Variants in CRIM1 observed in about 807,000 individuals in gnomAD.
The protein encoded by CRIM1 is cysteine-rich motor neuron 1 protein.
In CRIM1, 32 loss-of-function variants were observed where a neutral mutation model predicts 116.4. That is an observed-to-expected ratio of 0.27 (90% CI 0.21 to 0.37). The LOEUF (loss-of-function observed/expected upper bound fraction) is 0.37. Ranked by LOEUF, CRIM1 falls within the 10% of genes least tolerant of loss-of-function variation. The pLI is 1.00. For synonymous variants in CRIM1, 590 were observed against 509.2 expected (o/e 1.16, Z -2.13); for missense variants, 1,331 against 1,354.8 (o/e 0.98, Z 0.28).
At position 36,467,227 on chromosome 2, in the gene CRIM1, A is replaced by G. The variant is rs114887497; in HGVS notation, c.991+2572A>G. ...GTTGAGTGATCTTTGCTTTCTTCCT[A>G]ATCCTGTGGAACTGTGTCTATTGAT... On this transcript the variant is annotated intron_variant, in intron 5 of 16. Transcript: ENST00000280527. 3.9e-3 allele frequency among the ~76,000 whole-genome samples: 595 copies of G among 152,222 alleles called. 7 individuals carry two copies. The highest frequency in any genetic ancestry group is 0.013 in the African/African-American group (523 of 41,526).
chr2:36,391,391 G>T (rs1192661113), intron 1 of CRIM1, among the ~76,000 whole-genome samples: 6 of 152,042 alleles, frequency 3.9e-5, no homozygotes, highest in Non-Finnish European at 7.4e-5. Flanking sequence ...GCTTCCCAAA[G>T]TGCTGAGATT....
intron 4 of CRIM1, among the ~76,000 whole-genome samples, chr2:36,458,624 A>G (rs1054119350): frequency 1.3e-5 from 2 of 152,130 alleles, no homozygotes; most frequent in African/African-American, 4.8e-5. Context: ...CAAAGGCCCT[A>G]TCTTGAGCTG....
At chr2:36,499,120 G>C in intron 7 of CRIM1, 99 bp from the exon 8 acceptor site, 1 of 883,218 alleles carries the variant, frequency 1.1e-6, no homozygotes, top group Non-Finnish European at 1.8e-6. Flanking sequence ...TTACTGATTT[G>C]ATTTTTGTAA....
intron 1 of CRIM1, among the ~76,000 whole-genome samples, chr2:36,366,314 T>C (rs1479683392): frequency 1.3e-5 from 2 of 152,204 alleles, no homozygotes; most frequent in African/African-American, 4.8e-5. Context: ...AGAGTGCTGG[T>C]ATTCGGACAT....
chr2:36,431,227 T>A (rs1431533414), intron 2 of CRIM1, among the ~76,000 whole-genome samples: 1 of 152,146 alleles, frequency 6.6e-6, no homozygotes, highest in Non-Finnish European at 1.5e-5. Context: ...AACCTGTGAG[T>A]ACTCTGTGTG....
intron 8 of CRIM1, among the ~76,000 whole-genome samples, chr2:36,507,930 G>A (rs1344729087): frequency 6.6e-6 from 1 of 152,186 alleles, no homozygotes; most frequent in Non-Finnish European, 1.5e-5. Flanking sequence ...GAGGTTTTCA[G>A]GGTGTTTTTA....
chr2:36,445,635 C>T lies in CRIM1; in HGVS notation c.869+2900C>T, dbSNP rs75338408. 1.1e-4 allele frequency among the ~76,000 whole-genome samples: 17 copies of T among 152,226 alleles called. No homozygotes were observed. The East Asian group carries it at 1.4e-3, about 12-fold the overall frequency. The stretch of plus-strand genomic sequence containing the variant: ...CTGTATGCATTAGTGCTGAATGAGT[C>T]GGTAAATGCAGAATATACTCAAGCT... On this transcript the variant is annotated intron_variant, in intron 4 of 16. Transcript: ENST00000280527.
intron 7 of CRIM1, among the ~76,000 whole-genome samples, chr2:36,495,413 A>G (rs1353647485): frequency 6.6e-6 from 1 of 152,052 alleles, no homozygotes; most frequent in Non-Finnish European, 1.5e-5. Context: ...CTTTTAGACA[A>G]GCAGAATGTA....
At chr2:36,481,092 T>A (rs965406065) in intron 7 of CRIM1, among the ~76,000 whole-genome samples, 1 of 152,230 alleles carries the variant, frequency 6.6e-6, no homozygotes, top group Non-Finnish European at 1.5e-5. Flanking sequence ...CATAATCCAG[T>A]AAACATTAGC....
In CRIM1 at chr2:36,466,132, C is replaced by T. The variant is rs535300903; in HGVS notation, c.991+1477C>T. On this transcript the variant is annotated intron_variant, in intron 5 of 16. Transcript: ENST00000280527. Reference sequence around the variant, plus strand: ...TGATCTCCTGCCCTCGTGATCCACCCGCCTCGGCCTCCCAAGGTACTGGGA... The same window carrying T: ...TGATCTCCTGCCCTCGTGATCCACCTGCCTCGGCCTCCCAAGGTACTGGGA... Among the ~76,000 whole-genome samples, 6 of 152,142 alleles carry T rather than the reference C, an allele frequency of 3.9e-5. No homozygotes were observed. In the East Asian group the frequency reaches 1.2e-3, roughly 30 times the overall value.
At chr2:36,381,284 G>A (rs1454307455) in intron 1 of CRIM1, among the ~76,000 whole-genome samples, 1 of 152,198 alleles carries the variant, frequency 6.6e-6, no homozygotes, top group Non-Finnish European at 1.5e-5. Flanking sequence ...GGGATGGAGG[G>A]AAAGGAAATG....
intron 15 of CRIM1, 25 bp downstream of exon 15, chr2:36,544,523 C>G: frequency 7.6e-7 from 1 of 1,321,896 alleles, no homozygotes; most frequent in Non-Finnish European, 9.7e-7. Context: ...CAGCTGAGAT[C>G]TGCTAGTTTT....
intron 4 of CRIM1, among the ~76,000 whole-genome samples, chr2:36,445,387 C>T (rs1054234055): frequency 3.3e-5 from 5 of 152,164 alleles, no homozygotes; most frequent in Non-Finnish European, 7.3e-5. Context: ...TCATATTGCT[C>T]ATCCAGCAGG....
intron 1 of CRIM1, among the ~76,000 whole-genome samples, chr2:36,396,379 A>G (rs1323128691): frequency 6.6e-6 from 1 of 152,154 alleles, no homozygotes; most frequent in Non-Finnish European, 1.5e-5. Context: ...TTTATTTCCA[A>G]CCTTTGTGCA....
intron 1 of CRIM1, among the ~76,000 whole-genome samples, chr2:36,378,073 A>G (rs903084857): frequency 6.6e-6 from 1 of 152,198 alleles, no homozygotes; most frequent in Non-Finnish European, 1.5e-5. Context: ...GATATTAACG[A>G]GACTTTACCC....
At chr2:36,433,627 TC>T (rs1675070735) in intron 2 of CRIM1, among the ~76,000 whole-genome samples, 1 of 152,166 alleles carries the variant, frequency 6.6e-6, no homozygotes, top group Non-Finnish European at 1.5e-5. Flanking sequence ...CCCAGGCTCC[TC>T]CCCCAGAATT....
Position 36,537,337 on chromosome 2 carries a change from T to C in CRIM1, c.2429-15T>C, listed in dbSNP as rs771329806. The C allele has an allele frequency of 6.2e-7, 1 of 1,613,188 alleles. No individual in the cohort carries two copies. On this transcript the variant is annotated splice_polypyrimidine_tract_variant and intron_variant, in intron 13 of 16. Transcript: ENST00000280527. ...TCACATCAGCGACTCCATCATGTGC[T>C]GTTCTTTTCACTAGAAGACACAATT...
chr2:36,472,629 C>G (rs1287914356), intron 5 of CRIM1, among the ~76,000 whole-genome samples: 1 of 152,172 alleles, frequency 6.6e-6, no homozygotes, highest in Non-Finnish European at 1.5e-5. Context: ...TCCACACTTC[C>G]TCAGATCATG....
At chr2:36,389,298 C>T (rs1053018167) in intron 1 of CRIM1, among the ~76,000 whole-genome samples, 2 of 152,042 alleles carry the variant, frequency 1.3e-5, no homozygotes, top group South Asian at 2.1e-4. Context: ...GATTCCTCCT[C>T]GAGCAGAACG....
Sources: gnomAD v4.1 joint callset for allele counts (sites outside exome capture counted in the v4.1 genomes callset) on GRCh38, gnomAD v4.1.1 for gene constraint, MANE v1.5 for transcripts, NCBI Gene and HGNC (gene_info 2026-07-23, HGNC 2026-07-21) for gene names.